SPDYE3: variants seen among roughly 807,000 people sequenced by gnomAD.
The protein encoded by SPDYE3 is speedy/RINGO cell cycle regulator family member E3.
Under a neutral mutation model 55.0 loss-of-function variants are expected in SPDYE3, and 15 were observed. That is an observed-to-expected ratio of 0.27 (90% confidence interval 0.18 to 0.42). The LOEUF (loss-of-function observed/expected upper bound fraction) is 0.42, where lower values mean the gene tolerates loss of function less well. SPDYE3 is among the 10% of genes least tolerant of loss of function. The pLI is 1.00. For synonymous variants in SPDYE3, 89 were observed against 229.9 expected (o/e 0.39, Z 5.55); for missense variants, 236 against 576.7 (o/e 0.41, Z 6.05).
chr7:100,316,168 G>T (rs533596370), intron 7 of SPDYE3, among the ~76,000 whole-genome samples: 1 of 152,186 alleles, frequency 6.6e-6, no homozygotes, highest in African/African-American at 2.4e-5. Flanking sequence ...ACGGGGTTTT[G>T]CCATGTTGGC....
At chr7:100,319,315 T>C (rs1789516356) in intron 8 of SPDYE3, among the ~76,000 whole-genome samples, 1 of 152,236 alleles carries the variant, frequency 6.6e-6, no homozygotes, top group Non-Finnish European at 1.5e-5. Context: ...CCCAGTGTGC[T>C]GGGATTCCAG....
In SPDYE3 at chr7:100,320,575, T is replaced by C. The variant is rs999358709; in HGVS notation, c.*46-316T>C. ...AGATCTGAAGTGACACAAAAGACCC[T>C]AGCTGTGATGAAGTCCAAAGCCACA... On this transcript the variant is annotated intron_variant, in intron 10 of 10. Coordinates refer to ENST00000332397, the MANE Select transcript of SPDYE3 (RefSeq NM_001004351.5). 3.0e-6 allele frequency: 3 copies of C among 984,064 alleles called. No homozygotes were observed. In the African/African-American group the frequency reaches 5.3e-5, roughly 17 times the overall value. The allele number at this position is 984,064 out of a possible 1,614,324, so 61.0% of individuals were successfully genotyped here.
intron 10 of SPDYE3, chr7:100,320,664 C>T (rs1789561975): frequency 4.7e-6 from 5 of 1,070,082 alleles, no homozygotes; most frequent in Non-Finnish European, 5.9e-6. Flanking sequence ...AAGCAGATCA[C>T]TGGGGCTGAC....
intron 10 of SPDYE3, chr7:100,320,669 G>A (rs957786451): frequency 1.1e-5 from 12 of 1,068,536 alleles, no homozygotes; most frequent in Non-Finnish European, 1.4e-5. Context: ...GATCACTGGG[G>A]CTGACCTTGG....
intron 1 of SPDYE3, among the ~76,000 whole-genome samples, 180 bp downstream of exon 1, chr7:100,308,171 A>G (rs1266666009): frequency 6.6e-6 from 1 of 151,458 alleles, no homozygotes; most frequent in Admixed American, 6.6e-5. Flanking sequence ...CTCTACTAAA[A>G]GTACAAAAAT....
At chr7:100,311,462 G>C (rs1300182765) in intron 3 of SPDYE3, among the ~76,000 whole-genome samples, 1 of 135,982 alleles carries the variant, frequency 7.4e-6, no homozygotes, top group Non-Finnish European at 1.6e-5. Context: ...CTCCAGCCTG[G>C]GTGACAAAGC....
At chr7:100,312,896 G>C (rs1805996738) in intron 4 of SPDYE3, among the ~76,000 whole-genome samples, 1 of 149,988 alleles carries the variant, frequency 6.7e-6, no homozygotes, top group Admixed American at 6.7e-5. Context: ...AAAAAAAGAG[G>C]GCCTCAGAGA....
intron 1 of SPDYE3, among the ~76,000 whole-genome samples, chr7:100,308,247 C>A (rs1205100326): frequency 2.7e-5 from 4 of 148,754 alleles, no homozygotes; most frequent in Non-Finnish European, 5.9e-5. Context: ...AGGAGAATCG[C>A]TTGAGCCTGG....
intron 7 of SPDYE3, 97 bp from the exon 8 acceptor site, chr7:100,316,973 T>A: frequency 6.3e-7 from 1 of 1,587,872 alleles, no homozygotes; most frequent in South Asian, 1.1e-5. Flanking sequence ...CCTTCTCTGA[T>A]GGGCAACCCC....
intron 1 of SPDYE3, among the ~76,000 whole-genome samples, chr7:100,308,312 G>C: frequency 7.0e-6 from 1 of 142,174 alleles, no homozygotes; most frequent in South Asian, 2.3e-4. Flanking sequence ...GTCTGGGTGA[G>C]AGAGTGAGAC....
intron 10 of SPDYE3, 24 bp from the exon 11 acceptor site, chr7:100,320,867 T>C (rs1789566107): frequency 2.5e-6 from 3 of 1,208,400 alleles, no homozygotes; most frequent in Non-Finnish European, 3.3e-6. Flanking sequence ...CCTTGAGGTG[T>C]GACATTGTCT....
chr7:100,317,859 C>T (rs1258394777), intron 8 of SPDYE3, among the ~76,000 whole-genome samples: 1 of 149,970 alleles, frequency 6.7e-6, no homozygotes, highest in Non-Finnish European at 1.5e-5. Context: ...ACCTGTAGTC[C>T]CAGCTACTCG....
rs183593935 is a variant in SPDYE3 at position 100,321,202 on chromosome 7, T to C, written c.*357T>C. The C allele has an allele frequency of 2.3e-3, 1,141 of 490,372 alleles. 9 individuals are homozygous for C. The highest frequency in any genetic ancestry group is 0.021 in the African/African-American group (1,063 of 51,400). 30.4% of individuals were successfully genotyped at this position (490,372 alleles called of 1,614,324 possible). On this transcript the variant is annotated 3_prime_UTR_variant, in exon 11 of 11. Coordinates refer to ENST00000332397, the MANE Select transcript of SPDYE3 (RefSeq NM_001004351.5). ...TGGGGCGGAACCTGGAGGTCCTGTT[T>C]CTTACGGACTTGGTTGCCACAGTCC...
intron 4 of SPDYE3, among the ~76,000 whole-genome samples, chr7:100,312,841 A>C (rs1178394529): frequency 1.4e-5 from 2 of 141,768 alleles, no homozygotes; most frequent in Non-Finnish European, 3.1e-5. Flanking sequence ...GCACCACTAC[A>C]CTCCAGCCTG....
At chr7:100,308,745 G>C (rs940390350) in intron 1 of SPDYE3, among the ~76,000 whole-genome samples, 1 of 151,120 alleles carries the variant, frequency 6.6e-6, no homozygotes, top group Non-Finnish European at 1.5e-5. Context: ...CAGAGAGCCA[G>C]GGACCAGGGA....
intron 5 of SPDYE3, among the ~76,000 whole-genome samples, chr7:100,313,961 T>C (rs1480317781): frequency 1.2e-4 from 4 of 32,022 alleles, no homozygotes; most frequent in Admixed American, 7.1e-4. Flanking sequence ...CTGGGGAGGG[T>C]GTGTGGGAAG....
chr7:100,321,676 G>A lies in SPDYE3; in HGVS notation c.*831G>A, dbSNP rs1005213640. On this transcript the variant is annotated 3_prime_UTR_variant, in exon 11 of 11. Transcript: ENST00000332397. ...ATAGAAATTTTTATTTGCTGTTTAG[G>A]TTTGTGACTGAATTGTGAGAATTCA... 2.0e-5 allele frequency: 3 copies of A among 151,352 alleles called. No individual in the cohort carries two copies. The highest frequency in any genetic ancestry group is 4.4e-5 in the Non-Finnish European group (3 of 67,946). The allele number at this position is 151,352 out of a possible 1,614,324, so 9.4% of individuals were successfully genotyped here. A position where few individuals can be genotyped will look rare whatever the true frequency, so the allele number is the denominator to read the frequency against.
chr7:100,308,758 G>A (rs1805889848), intron 1 of SPDYE3, among the ~76,000 whole-genome samples: 1 of 150,698 alleles, frequency 6.6e-6, no homozygotes, highest in Non-Finnish European at 1.5e-5. Flanking sequence ...ACCAGGGAAC[G>A]ATATGACGCA....
intron 8 of SPDYE3, among the ~76,000 whole-genome samples, chr7:100,318,139 A>G (rs1332060042): frequency 6.6e-6 from 1 of 152,044 alleles, no homozygotes; most frequent in Non-Finnish European, 1.5e-5. Flanking sequence ...AAAAGCCACC[A>G]ACCTCCTCTG....
Sources: gnomAD v4.1 joint callset for allele counts (sites outside exome capture counted in the v4.1 genomes callset) on GRCh38, gnomAD v4.1.1 for gene constraint, MANE v1.5 for transcripts, NCBI Gene and HGNC (gene_info 2026-07-23, HGNC 2026-07-21) for gene names.